Variants in DIAPH1 observed in about 807,000 individuals in gnomAD.
The protein encoded by DIAPH1 is protein diaphanous homolog 1.
In DIAPH1, 46 loss-of-function variants were observed where a neutral mutation model predicts 140.7. The observed-to-expected ratio is 0.33, with a 90% CI of 0.26 to 0.42. DIAPH1 has a LOEUF of 0.42. Ranked by LOEUF, DIAPH1 falls within the 10% of genes least tolerant of loss-of-function variation. DIAPH1 has a pLI of 1.00. For missense variants in DIAPH1, 1,310 were observed against 1,558.7 expected (o/e 0.84, Z 2.69); for synonymous variants, 565 against 551.6 (o/e 1.02, Z -0.34).
At chr5:141,596,543 G>A (rs1487439912) in intron 1 of DIAPH1, among the ~76,000 whole-genome samples, 1 of 151,976 alleles carries the variant, frequency 6.6e-6, no homozygotes, top group Non-Finnish European at 1.5e-5. Context: ...GTCTGTAAAT[G>A]TAAAATAAAC....
At chr5:141,523,967 G>A (rs1334441153) in intron 27 of DIAPH1, among the ~76,000 whole-genome samples, 176 bp downstream of exon 27, 1 of 151,828 alleles carries the variant, frequency 6.6e-6, no homozygotes, top group African/African-American at 2.4e-5. Flanking sequence ...TTAAACCCCA[G>A]TTTTCTAAGT....
chr5:141,525,791 C>T (rs1413611233), intron 26 of DIAPH1, among the ~76,000 whole-genome samples: 1 of 152,114 alleles, frequency 6.6e-6, no homozygotes, highest in Non-Finnish European at 1.5e-5. Flanking sequence ...ACCACAATCA[C>T]AGGGGAATGA....
intron 18 of DIAPH1, among the ~76,000 whole-genome samples, chr5:141,556,744 T>G (rs1244005402): frequency 1.3e-5 from 2 of 152,174 alleles, no homozygotes. Context: ...CAGGCTTGAG[T>G]GCAGTGGTGC....
At chr5:141,618,529 G>A (rs1043742811) in intron 1 of DIAPH1, 15 of 360,974 alleles carry the variant, frequency 4.2e-5, no homozygotes, top group African/African-American at 2.6e-4. Context: ...AGAGCCGGCC[G>A]GGGATATGCG....
intron 27 of DIAPH1, among the ~76,000 whole-genome samples, chr5:141,523,895 T>C (rs1033382497): frequency 6.6e-6 from 1 of 151,834 alleles, no homozygotes; most frequent in African/African-American, 2.4e-5. Flanking sequence ...GTTCCAAATA[T>C]CTGCTTCAAG....
intron 17 of DIAPH1, 24 bp from the exon 18 acceptor site, chr5:141,571,460 G>C (rs201685611): frequency 6.2e-7 from 1 of 1,606,508 alleles, no homozygotes; most frequent in African/African-American, 1.3e-5. Context: ...GTGCCAGGAG[G>C]GAGAAGGCAT....
At chr5:141,595,082 A>AT (rs1446461143) in intron 1 of DIAPH1, among the ~76,000 whole-genome samples, 1 of 152,018 alleles carries the variant, frequency 6.6e-6, no homozygotes, top group East Asian at 1.9e-4. Context: ...AAGGCTACAT[A>AT]TTATATGTAC....
Position 141,528,905 on chromosome 5 carries a change from C to T in DIAPH1, c.2815G>A (p.Ala939Thr), listed in dbSNP as rs2099887791. 1 of 1,614,110 alleles carries T rather than the reference C, an allele frequency of 6.2e-7. No homozygotes were observed. Among genetic ancestry groups the T allele is most frequent in the Non-Finnish European group, 8.5e-7 (1 of 1,180,050 alleles). The change falls in exon 22 of 28, where the codon GCC (alanine) becomes ACC (threonine). Residue 939 changes from alanine (A) to threonine (T), a missense_variant. Physicochemically the swap from Ala to Thr is moderately conservative, Grantham distance 58. Around this residue, in one of 3 missense-constraint regions of DIAPH1, gnomAD observed 344 missense variants for 512.2 expected, o/e 0.67. Coordinates refer to ENST00000389054, the MANE Select transcript of DIAPH1 (RefSeq NM_005219.5). ...TVPRLRPRLN[A>T]ILFKLQFSEQ... The stretch of plus-strand genomic sequence containing the variant: ...CTGAATTGTAGCTTGAAGAGAATGG[C>T]ATTGAGGCGAGGCCGCAGTCGGGGC...
chr5:141,542,673 G>A (rs562835389), intron 18 of DIAPH1, among the ~76,000 whole-genome samples: 3 of 152,256 alleles, frequency 2.0e-5, no homozygotes, highest in South Asian at 2.1e-4. Context: ...CACATAGACT[G>A]GTGATTGTTA....
rs1186468839 is a variant in DIAPH1 at position 141,528,892 on chromosome 5, T to G, written c.2828A>C (p.Lys943Thr). The G allele has an allele frequency of 6.2e-7, 1 of 1,614,188 alleles. No individual in the cohort carries two copies. Residue 943 changes from lysine to threonine, a missense_variant, in exon 22 of 28, where the codon AAG (lysine) becomes ACG (threonine). Coordinates refer to ENST00000389054, the MANE Select transcript of DIAPH1 (RefSeq NM_005219.5). ...LRPRLNAILF[K>T]LQFSEQVENI... ...CTCCACTTGCTCGCTGAATTGTAGC[T>G]TGAAGAGAATGGCATTGAGGCGAGG... is the stretch of plus-strand genomic sequence containing the variant.
chr5:141,606,927 G>C (rs1035580069), intron 1 of DIAPH1, among the ~76,000 whole-genome samples: 4 of 142,628 alleles, frequency 2.8e-5, no homozygotes, highest in Non-Finnish European at 6.1e-5. Context: ...CAGAAACAGA[G>C]AGCCTTGAAA....
intron 5 of DIAPH1, 26 bp from the exon 6 acceptor site, chr5:141,583,318 C>T: frequency 6.2e-7 from 1 of 1,609,650 alleles, no homozygotes; most frequent in Non-Finnish European, 8.5e-7. Flanking sequence ...AGAGGCAATG[C>T]AATATCAAAC....
chr5:141,546,129 C>T (rs1305860842), intron 18 of DIAPH1, among the ~76,000 whole-genome samples: 2 of 152,128 alleles, frequency 1.3e-5, no homozygotes, highest in African/African-American at 4.8e-5. Context: ...ATGCCTGTAT[C>T]CCAGCACTTT....
At chr5:141,578,367 C>T in intron 10 of DIAPH1, 24 bp from the exon 11 acceptor site, 5 of 1,594,304 alleles carry the variant, frequency 3.1e-6, no homozygotes, top group Non-Finnish European at 4.3e-6. Flanking sequence ...AAGTAGAAGT[C>T]AGGGAACCCA....
At chr5:141,545,043 A>G (rs2099890582) in intron 18 of DIAPH1, among the ~76,000 whole-genome samples, 1 of 152,218 alleles carries the variant, frequency 6.6e-6, no homozygotes, top group Non-Finnish European at 1.5e-5. Flanking sequence ...TTATGCTAAA[A>G]TCAAAGAATC....
At chr5:141,596,844 T>C (rs1172995353) in intron 1 of DIAPH1, among the ~76,000 whole-genome samples, 1 of 152,154 alleles carries the variant, frequency 6.6e-6, no homozygotes, top group African/African-American at 2.4e-5. Context: ...GGAAAGATCC[T>C]AACATGAGAG....
chr5:141,597,602 C>T (rs1394998190), intron 1 of DIAPH1, among the ~76,000 whole-genome samples: 3 of 152,086 alleles, frequency 2.0e-5, no homozygotes, highest in African/African-American at 4.8e-5. Context: ...AAGGAAATCC[C>T]GGGGATAAAG....
intron 25 of DIAPH1, 59 bp from the exon 26 acceptor site, chr5:141,526,232 C>G: frequency 1.9e-6 from 3 of 1,614,154 alleles, no homozygotes; most frequent in Non-Finnish European, 2.5e-6. Flanking sequence ...TACCAGCCAA[C>G]AGGAACCCAG....
chr5:141,567,182 A>G (rs1418807615), intron 18 of DIAPH1, among the ~76,000 whole-genome samples: 1 of 152,156 alleles, frequency 6.6e-6, no homozygotes. Context: ...ACCAAGATAA[A>G]TGGCATAATA....
Sources: allele counts gnomAD v4.1 joint callset (sites outside exome capture counted in the v4.1 genomes callset), GRCh38; gene constraint gnomAD v4.1.1; regional missense constraint gnomAD v4.1.1; transcripts MANE v1.5; gene names NCBI Gene and HGNC (gene_info 2026-07-23, HGNC 2026-07-21).